Variants in B4GALT2 observed in about 807,000 individuals in gnomAD.
B4GALT2 encodes the protein N-acetyllactosamine synthase.
A neutral mutation model predicts 33.2 loss-of-function variants in B4GALT2; 18 were observed. That is an observed-to-expected ratio of 0.54 (90% confidence interval 0.38 to 0.80). The LOEUF is 0.80. Among genes scored for constraint, B4GALT2 ranks in the 30% least tolerant of loss-of-function variants. The probability of loss-of-function intolerance (pLI) is 0.00; values close to 1 mark genes in which losing one functional copy is unlikely to be tolerated. For missense variants in B4GALT2, 404 were observed against 526.2 expected (o/e 0.77, Z 2.27); for synonymous variants, 214 against 217.6 (o/e 0.98, Z 0.15).
chr1:43,984,886 C>T lies in B4GALT2; in HGVS notation c.571C>T (p.Arg191Trp), dbSNP rs766395297. The T allele has an allele frequency of 5.0e-6, 8 of 1,613,924 alleles. No individual in the cohort carries two copies. The highest frequency in any genetic ancestry group is 5.9e-6 in the Non-Finnish European group (7 of 1,179,960). ...INQHGEDTFNRAKLLNVGFLE... is the reference protein window; with the variant it reads ...INQHGEDTFNWAKLLNVGFLE... ...CCAGCATGGTGAGGACACCTTCAACCGGGCCAAGCTGCTTAACGTGGGCTT... is the reference window on the plus strand; with the variant it reads ...CCAGCATGGTGAGGACACCTTCAACTGGGCCAAGCTGCTTAACGTGGGCTT... Residue 191 changes from arginine to tryptophan, a missense_variant, in exon 4 of 7, where the codon CGG becomes TGG. Transcript: ENST00000372324. The surrounding 1 kb of genome is among the most constrained non-coding windows in gnomAD (Gnocchi z 5.6).
At chr1:43,980,995 C>G in intron 1 of B4GALT2, 114 bp from the exon 2 acceptor site, 2 of 1,342,564 alleles carry the variant, frequency 1.5e-6, no homozygotes, top group Non-Finnish European at 2.0e-6. Context: ...AGGGTATGAG[C>G]AGGTCAGTGT....
rs1305589190 is a variant in B4GALT2, at chr1:43,982,163, C to T, written c.549+239C>T. Among the ~76,000 whole-genome samples the T allele has an allele frequency of 2.0e-5, 3 of 152,228 alleles. No homozygotes were observed. The highest frequency in any genetic ancestry group is 7.2e-5 in the African/African-American group (3 of 41,460). ...CCCACTCTCTACCCTTGGCAGGCCT[C>T]ACCCCATGGTGGTGCAGGCCTTGGG... On this transcript the variant is annotated intron_variant, in intron 3 of 6. Coordinates refer to ENST00000372324, the MANE Select transcript of B4GALT2 (RefSeq NM_003780.5). The surrounding 1 kb of genome is among the most constrained non-coding windows in gnomAD (Gnocchi z 4.3).
At chr1:43,987,789 G>A (rs777927613) in intron 6 of B4GALT2, among the ~76,000 whole-genome samples, 2 of 152,144 alleles carry the variant, frequency 1.3e-5, no homozygotes, top group African/African-American at 2.4e-5. Flanking sequence ...CGGTGTACTT[G>A]AACCTCCAAG....
chr1:43,981,044 T>G lies in B4GALT2; in HGVS notation c.-52-65T>G. On this transcript the variant is annotated intron_variant, in intron 1 of 6. Coordinates refer to ENST00000372324, the MANE Select transcript of B4GALT2 (RefSeq NM_003780.5). The surrounding 1 kb of genome is among the most constrained non-coding windows in gnomAD (Gnocchi z 8.1). The stretch of plus-strand genomic sequence containing the variant: ...CGAGTGTGAGCAGCTGAGTGGGAGG[T>G]AGGTGGGCAGCCTTGCCTGTCCTGC... The G allele has an allele frequency of 6.8e-7, 1 of 1,465,620 alleles. No individual in the cohort carries two copies. Among genetic ancestry groups the G allele is most frequent in the Non-Finnish European group, 9.0e-7 (1 of 1,107,448 alleles). 90.8% of individuals were successfully genotyped at this position (1,465,620 alleles called of 1,614,324 possible). A position where few individuals can be genotyped will look rare whatever the true frequency, so the allele number is the denominator to read the frequency against.
intron 1 of B4GALT2, chr1:43,980,264 A>T: frequency 3.8e-6 from 2 of 521,724 alleles, no homozygotes; most frequent in Non-Finnish European, 6.4e-6. Flanking sequence ...CCTTCCTGCC[A>T]TGCCCAGTGC....
intron 6 of B4GALT2, among the ~76,000 whole-genome samples, chr1:43,988,356 CAAAAAAAA>C (rs59935883): frequency 4.1e-5 from 3 of 73,732 alleles, no homozygotes; most frequent in South Asian, 4.6e-4. Context: ...ACCAAAAATA[CAAAAAAAA>C]AAAAAAAAAA....
At chr1:43,985,687 C>T in intron 6 of B4GALT2, 66 bp downstream of exon 6, 1 of 1,487,500 alleles carries the variant, frequency 6.7e-7, no homozygotes, top group South Asian at 1.1e-5. Context: ...ACTCTTGACC[C>T]CAAGTGGCCC....
intron 6 of B4GALT2, among the ~76,000 whole-genome samples, chr1:43,987,749 C>T (rs1399703059): frequency 6.6e-6 from 1 of 152,216 alleles, no homozygotes; most frequent in Non-Finnish European, 1.5e-5. Context: ...ACATGAGCTG[C>T]TCGCTCTGAC....
rs751764862 is a variant in B4GALT2, at chr1:43,985,548, C to T, written c.895C>T (p.Pro299Ser). 4.3e-6 allele frequency: 7 copies of T among 1,613,842 alleles called. No homozygotes were observed. The Admixed American group carries it at 5.0e-5, about 12-fold the overall frequency. ...CCTGACTGGGATGAAGATCTCACGC[C>T]CAGACATCCGAATCGGCCGCTACCG... ...ISLTGMKISRPDIRIGRYRMI... is the reference protein window; with the variant it reads ...ISLTGMKISRSDIRIGRYRMI... Residue 299 changes from proline (P) to serine (S), a missense_variant, in exon 6 of 7, where the codon CCA (proline) becomes TCA (serine). Coordinates refer to ENST00000372324, the MANE Select transcript of B4GALT2 (RefSeq NM_003780.5).
intron 6 of B4GALT2, among the ~76,000 whole-genome samples, chr1:43,987,281 CTG>C (rs201560441): frequency 0.02 from 3,037 of 152,204 alleles, 109 homozygotes; most frequent in African/African-American, 0.07. Context: ...TTAAAGAACT[CTG>C]TGAATGTTGG....
chr1:43,989,716 C>T (rs1005822864), intron 6 of B4GALT2, among the ~76,000 whole-genome samples: 4 of 152,158 alleles, frequency 2.6e-5, no homozygotes, highest in Non-Finnish European at 4.4e-5. Flanking sequence ...AGTCCATGGC[C>T]GATGGTCTTA....
At chr1:43,990,209 G>A (rs1426036701) in intron 6 of B4GALT2, 89 bp from the exon 7 acceptor site, 2 of 1,533,890 alleles carry the variant, frequency 1.3e-6, no homozygotes, top group East Asian at 2.3e-5. Flanking sequence ...TGGCCAAAAG[G>A]GGGTCCATTT....
Position 43,984,502 on chromosome 1 carries a change from G to C in B4GALT2, c.550-363G>C, listed in dbSNP as rs181150007. 1.2e-4 allele frequency among the ~76,000 whole-genome samples: 18 copies of C among 152,344 alleles called. No individual in the cohort carries two copies. The East Asian group carries it at 3.1e-3, about 26-fold the overall frequency. ...AGCCCATGGGAAGGAAGGAATAAGC[G>C]TACTGGGGTGGGGAAGTGTGGTCAG... On this transcript the variant is annotated intron_variant, in intron 3 of 6. Coordinates refer to ENST00000372324, the MANE Select transcript of B4GALT2 (RefSeq NM_003780.5). This position sits in a 1 kb window ranked among gnomAD's most constrained non-coding sequence, Gnocchi z 5.6.
At position 43,981,580 on chromosome 1, in the gene B4GALT2, T is replaced by C; in HGVS notation, c.313+107T>C. 9.2e-6 allele frequency: 14 copies of C among 1,529,626 alleles called. No individual in the cohort carries two copies. The highest frequency in any genetic ancestry group is 1.2e-5 in the Non-Finnish European group (14 of 1,137,118). The allele number at this position is 1,529,626 out of a possible 1,614,324, so 94.8% of individuals were successfully genotyped here. A position where few individuals can be genotyped will look rare whatever the true frequency, so the allele number is the denominator to read the frequency against. ...GTGTGCCAGGGGTCCAGGTCTGTTG[T>C]AAGAGGGCTATTCTTGGGGTTCCCT... On this transcript the variant is annotated intron_variant, in intron 2 of 6. Transcript: ENST00000372324. This position sits in a 1 kb window ranked among gnomAD's most constrained non-coding sequence, Gnocchi z 8.1.
chr1:43,981,180 G>A lies in B4GALT2; in HGVS notation c.20G>A (p.Gly7Glu), dbSNP rs776479895. Residue 7 changes from glycine to glutamate, a missense_variant, in exon 2 of 7, where the codon GGG becomes GAG. Physicochemically the swap from Gly to Glu is moderately conservative, Grantham distance 98. Transcript: ENST00000372324. The surrounding 1 kb of genome is among the most constrained non-coding windows in gnomAD (Gnocchi z 8.1). ...TGCGGGATGAGCAGACTGCTGGGGG[G>A]GACGCTGGAGCGCGTCTGCAAGGCT... Reference protein sequence around the residue: MSRLLGGTLERVCKAVL... With the variant: MSRLLGETLERVCKAVL... 1 of 1,600,186 alleles carries A rather than the reference G, an allele frequency of 6.2e-7. No homozygotes were observed. Among genetic ancestry groups the A allele is most frequent in the Non-Finnish European group, 8.5e-7 (1 of 1,179,774 alleles).
Position 43,985,998 on chromosome 1 carries a change from C to T in B4GALT2, c.968+377C>T, listed in dbSNP as rs114340733. The T allele has an allele frequency of 2.4e-5, 7 of 295,612 alleles. No homozygotes were observed. The East Asian group carries it at 2.6e-4, about 11-fold the overall frequency. The allele number at this position is 295,612 out of a possible 1,614,324, so 18.3% of individuals were successfully genotyped here. On this transcript the variant is annotated intron_variant, in intron 6 of 6. Transcript: ENST00000372324. ...GACCCCTGCCGGGGCAGATAGGACA[C>T]GAGCTAATGGGTGCTGGGCACAGCT...
At position 43,982,482 on chromosome 1, in the gene B4GALT2, G is replaced by A. The variant is rs1198438379; in HGVS notation, c.549+558G>A. 5.9e-5 allele frequency among the ~76,000 whole-genome samples: 9 copies of A among 152,290 alleles called. No homozygotes were observed. The East Asian group carries it at 1.7e-3, about 29-fold the overall frequency. On this transcript the variant is annotated intron_variant, in intron 3 of 6. Transcript: ENST00000372324. This position sits in a 1 kb window ranked among gnomAD's most constrained non-coding sequence, Gnocchi z 4.3. ...GGAGGTGGAGCAGGGGGCCGTGGGA[G>A]CACAGAGGGCCCCAGTCCAGCCCTG...
At chr1:43,989,933 C>T (rs536825751) in intron 6 of B4GALT2, among the ~76,000 whole-genome samples, 7 of 152,346 alleles carry the variant, frequency 4.6e-5, no homozygotes, top group Admixed American at 3.9e-4. Flanking sequence ...AGAAAATCCT[C>T]GCGGCAGTTA....
At chr1:43,989,606 TG>T (rs2085700506) in intron 6 of B4GALT2, among the ~76,000 whole-genome samples, 1 of 152,208 alleles carries the variant, frequency 6.6e-6, no homozygotes, top group African/African-American at 2.4e-5. Context: ...ATGTTCACCT[TG>T]GGGTGGAGAC....
Sources: allele counts gnomAD v4.1 joint callset (sites outside exome capture counted in the v4.1 genomes callset), GRCh38; gene constraint gnomAD v4.1.1; non-coding constraint Gnocchi (gnomAD v3.1); transcripts MANE v1.5; gene names NCBI Gene and HGNC (gene_info 2026-07-23, HGNC 2026-07-21).